PGRMC2: variants seen among roughly 807,000 people sequenced by gnomAD.
PGRMC2 encodes progesterone receptor membrane component 2.
Under a neutral mutation model 19.3 loss-of-function variants are expected in PGRMC2, and 9 were observed. The observed-to-expected ratio is 0.47, with a 90% CI of 0.28 to 0.81. The LOEUF is 0.81. Among genes scored for constraint, PGRMC2 ranks in the 40% least tolerant of loss-of-function variants. The pLI is 0.11. For missense variants in PGRMC2, 289 were observed against 297.3 expected (o/e 0.97, Z 0.21); for synonymous variants, 157 against 124.6 (o/e 1.26, Z -1.73).
chr4:128,286,827 T>C (rs1487050937), intron 1 of PGRMC2: 3 of 371,260 alleles, frequency 8.1e-6, no homozygotes, highest in Non-Finnish European at 1.4e-5. Context: ...TACATGCCCC[T>C]AAACGTGGCC....
At chr4:128,278,245 G>C (rs1312416330) in intron 1 of PGRMC2, among the ~76,000 whole-genome samples, 1 of 152,150 alleles carries the variant, frequency 6.6e-6, no homozygotes, top group Non-Finnish European at 1.5e-5. Flanking sequence ...AATACTTCAA[G>C]TATTAGGAAA....
In PGRMC2 at chr4:128,270,287, A is replaced by T. The variant is rs957580745; in HGVS notation, c.*1029T>A. On this transcript the variant is annotated 3_prime_UTR_variant, in exon 3 of 3. Coordinates refer to ENST00000296425, the MANE Select transcript of PGRMC2 (RefSeq NM_006320.6). ...ATGCACCCACACCAGTGAGATGTGG[A>T]GGGTCAGACTCCTAAAATTAGGCAG... is the stretch of plus-strand genomic sequence containing the variant. 1 of 152,692 alleles carries T rather than the reference A, an allele frequency of 6.5e-6. No individual in the cohort carries two copies. The highest frequency in any genetic ancestry group is 1.5e-5 in the Non-Finnish European group (1 of 68,028). The allele number at this position is 152,692 out of a possible 1,614,324, so 9.5% of individuals were successfully genotyped here.
intron 1 of PGRMC2, among the ~76,000 whole-genome samples, chr4:128,277,273 A>G (rs965725604): frequency 4.6e-5 from 7 of 152,250 alleles, no homozygotes; most frequent in Admixed American, 2.0e-4. Context: ...TGTGGTCAAG[A>G]TATTTTAAAG....
At chr4:128,279,788 G>T (rs977643167) in intron 1 of PGRMC2, among the ~76,000 whole-genome samples, 1 of 152,084 alleles carries the variant, frequency 6.6e-6, no homozygotes, top group Non-Finnish European at 1.5e-5. Flanking sequence ...TAGTGTGGGG[G>T]GAAAGGAAGA....
intron 1 of PGRMC2, among the ~76,000 whole-genome samples, chr4:128,275,640 A>C (rs1308633241): frequency 6.6e-6 from 1 of 152,194 alleles, no homozygotes; most frequent in Non-Finnish European, 1.5e-5. Flanking sequence ...ATATGTTTAG[A>C]ATTTCCCTCA....
rs752745671 is a variant in PGRMC2, at chr4:128,287,682, C to G, written c.109G>C (p.Gly37Arg). Residue 37 changes from glycine to arginine, a missense_variant, in exon 1 of 3, where the codon GGG becomes CGG. Transcript: ENST00000296425. ...AACGCCGCCGCCGCCCAGCCTCCCCCTTCCGCTGCCGCTCCCGCGTCGCCT... is the reference window on the plus strand; with the variant it reads ...AACGCCGCCGCCGCCCAGCCTCCCCGTTCCGCTGCCGCTCCCGCGTCGCCT... Reference protein sequence around the residue: ...SPGDAGAAAEGGGWAAAALAL... With the variant: ...SPGDAGAAAERGGWAAAALAL... 2 of 1,531,722 alleles carry G rather than the reference C, an allele frequency of 1.3e-6. No homozygotes were observed. Among genetic ancestry groups the G allele is most frequent in the East Asian group, 2.4e-5 (1 of 40,878 alleles). 94.9% of individuals were successfully genotyped at this position (1,531,722 alleles called of 1,614,324 possible).
Position 128,269,922 on chromosome 4 carries a change from T to C in PGRMC2, c.*1394A>G, listed in dbSNP as rs529220115. 5.2e-5 allele frequency: 8 copies of C among 152,726 alleles called. No homozygotes were observed. In the South Asian group the frequency reaches 1.7e-3, roughly 32 times the overall value. 9.5% of individuals were successfully genotyped at this position (152,726 alleles called of 1,614,324 possible). On this transcript the variant is annotated 3_prime_UTR_variant, in exon 3 of 3. Coordinates refer to ENST00000296425, the MANE Select transcript of PGRMC2 (RefSeq NM_006320.6). ...AAAGATGTACATTTAATATACCAAT[T>C]CTTACCTGAATAATCTTGGATTTCT...
chr4:128,274,830 T>C (rs1039612836), intron 1 of PGRMC2, among the ~76,000 whole-genome samples: 2 of 152,202 alleles, frequency 1.3e-5, no homozygotes, highest in Non-Finnish European at 2.9e-5. Flanking sequence ...TGGAAAATTA[T>C]AGGTTCAATT....
chr4:128,279,879 T>C (rs11944086), intron 1 of PGRMC2, among the ~76,000 whole-genome samples: 3,406 of 152,282 alleles, frequency 0.022, 125 homozygotes, highest in African/African-American at 0.078. Flanking sequence ...GAAGGGAACA[T>C]GGTGGCTGGG....
In PGRMC2 at chr4:128,271,280, G is replaced by T; in HGVS notation, c.*36C>A. The T allele has an allele frequency of 8.7e-7, 1 of 1,153,370 alleles. No homozygotes were observed. Among genetic ancestry groups the T allele is most frequent in the Non-Finnish European group, 1.3e-6 (1 of 771,464 alleles). 71.4% of individuals were successfully genotyped at this position (1,153,370 alleles called of 1,614,324 possible). On this transcript the variant is annotated 3_prime_UTR_variant, in exon 3 of 3. Transcript: ENST00000296425. ...TCTGTGAAAGGGAGTAAGAATTGCA[G>T]TTCTGAAGGCCCCTGACTTTGGTTG...
intron 1 of PGRMC2, among the ~76,000 whole-genome samples, chr4:128,285,275 C>G (rs937358403): frequency 2.6e-5 from 4 of 152,106 alleles, no homozygotes; most frequent in African/African-American, 9.7e-5. Flanking sequence ...TACAGGCACC[C>G]GCCACCACGT....
At chr4:128,274,909 C>T (rs933649135) in intron 1 of PGRMC2, among the ~76,000 whole-genome samples, 4 of 152,160 alleles carry the variant, frequency 2.6e-5, no homozygotes, top group African/African-American at 9.7e-5. Context: ...GGACAGACTG[C>T]CTTCCCCATT....
chr4:128,281,726 T>C (rs1760913780), intron 1 of PGRMC2, among the ~76,000 whole-genome samples: 1 of 152,166 alleles, frequency 6.6e-6, no homozygotes, highest in Non-Finnish European at 1.5e-5. Context: ...CTAAAAGGGA[T>C]GGAAAATGAA....
chr4:128,274,537 A>AAAAAAAAAAAAAAAAAAAAG (rs137964198), intron 1 of PGRMC2, among the ~76,000 whole-genome samples: 1 of 128,222 alleles, frequency 7.8e-6, no homozygotes. Context: ...AAAAAAAAAA[A>AAAAAAAAAAAAAAAAAAAAG]GGTATTAACC....
At chr4:128,277,993 T>C (rs1760837645) in intron 1 of PGRMC2, among the ~76,000 whole-genome samples, 2 of 152,206 alleles carry the variant, frequency 1.3e-5, no homozygotes, top group Admixed American at 6.5e-5. Context: ...AGTGCAATCT[T>C]GCTTCTGAAA....
chr4:128,276,352 T>C (rs1760812322), intron 1 of PGRMC2, among the ~76,000 whole-genome samples: 1 of 152,314 alleles, frequency 6.6e-6, no homozygotes, highest in African/African-American at 2.4e-5. Context: ...GTATTTTTTT[T>C]TGAGACAGAG....
At chr4:128,274,537 A>AAAAAAAAAAAAAAAAAAAAAAAAG (rs137964198) in intron 1 of PGRMC2, among the ~76,000 whole-genome samples, 1 of 128,222 alleles carries the variant, frequency 7.8e-6, no homozygotes. Context: ...AAAAAAAAAA[A>AAAAAAAAAAAAAAAAAAAAAAAAG]GGTATTAACC....
intron 1 of PGRMC2, among the ~76,000 whole-genome samples, chr4:128,278,395 CCTGTCTCTTATA>C (rs1358090242): frequency 3.3e-5 from 5 of 152,012 alleles, no homozygotes; most frequent in African/African-American, 1.2e-4. Context: ...ATGGTGAAAC[CCTGTCTCTTATA>C]CTAAAAATAT....
Position 128,287,376 on chromosome 4 carries a change from G to C in PGRMC2, c.415C>G (p.Pro139Ala), listed in dbSNP as rs919608570. The change falls in exon 1 of 3, where the codon CCG becomes GCG. Residue 139 changes from proline to alanine, a missense_variant. Transcript: ENST00000296425. Reference protein sequence around the residue: ...DVTKGSKFYGPAGPYGIFAGR... With the variant: ...DVTKGSKFYGAAGPYGIFAGR... ...CCCTCCCCTTCCAACTCCTCACCCG[G>C]GCCGTAGAACTTGCTGCCTTTGGTC... 4.4e-6 allele frequency: 7 copies of C among 1,597,930 alleles called. No homozygotes were observed. Among genetic ancestry groups the C allele is most frequent in the Non-Finnish European group, 6.0e-6 (7 of 1,168,240 alleles).
Sources: gnomAD v4.1 joint callset for allele counts (sites outside exome capture counted in the v4.1 genomes callset) on GRCh38, gnomAD v4.1.1 for gene constraint, MANE v1.5 for transcripts, NCBI Gene and HGNC (gene_info 2026-07-23, HGNC 2026-07-21) for gene names.